KCNMA1: variants seen among roughly 807,000 people sequenced by gnomAD.
KCNMA1 encodes Calcium-activated potassium channel subunit alpha-1.
In KCNMA1, 29 loss-of-function variants were observed where a neutral mutation model predicts 140.0. That is an observed-to-expected ratio of 0.21 (90% CI 0.15 to 0.28). The LOEUF is 0.28. KCNMA1 is among the 10% of genes least tolerant of loss of function. KCNMA1 has a pLI of 1.00. For synonymous variants in KCNMA1, 612 were observed against 611.9 expected (o/e 1.00, Z 0.00); for missense variants, 880 against 1,602.2 (o/e 0.55, Z 7.70).
chr10:77,265,132 A>ATGAGGTATTTTTTTTTTTT (rs1555103410), intron 2 of KCNMA1, among the ~76,000 whole-genome samples: 4 of 152,062 alleles, frequency 2.6e-5, no homozygotes, highest in Non-Finnish European at 4.4e-5. Context: ...TCTCACTGCA[A>ATGAGGTATTTTTTTTTTTT]CTTCTGCCTC....
intron 15 of KCNMA1, among the ~76,000 whole-genome samples, chr10:77,031,744 G>C (rs2093953574): frequency 6.6e-6 from 1 of 152,232 alleles, no homozygotes; most frequent in African/African-American, 2.4e-5. Context: ...AGGGGAGCTG[G>C]TGTGGTAATC....
At position 77,421,165 on chromosome 10, in the gene KCNMA1, A is replaced by G. The variant is rs115504428; in HGVS notation, c.379-17142T>C. ...TGGACATTCTTGCATTCCTTCAATG[A>G]GCACTCCTCTTTTCTAATTCAGGGA... On this transcript the variant is annotated intron_variant, in intron 1 of 27. Coordinates refer to ENST00000286628, the MANE Select transcript of KCNMA1 (RefSeq NM_001161352.2). Among the ~76,000 whole-genome samples, 369 of 152,310 alleles carry G rather than the reference A, an allele frequency of 2.4e-3. 3 individuals are homozygous for G. Among genetic ancestry groups the G allele is most frequent in the African/African-American group, 8.7e-3 (361 of 41,562 alleles).
Position 77,358,796 on chromosome 10 carries a change from T to C in KCNMA1, c.540+45066A>G, listed in dbSNP as rs183824128. On this transcript the variant is annotated intron_variant, in intron 2 of 27. Coordinates refer to ENST00000286628, the MANE Select transcript of KCNMA1 (RefSeq NM_001161352.2). ...CAATCCTAAAAGAGGAAATGTTCTGTATTACATAAAACATGTCCAAGGTCC... is the reference window on the plus strand; with the variant it reads ...CAATCCTAAAAGAGGAAATGTTCTGCATTACATAAAACATGTCCAAGGTCC... Among the ~76,000 whole-genome samples, 9 of 152,370 alleles carry C rather than the reference T, an allele frequency of 5.9e-5. No individual in the cohort carries two copies. The East Asian group carries it at 1.5e-3, about 26-fold the overall frequency.
chr10:77,395,362 A>T (rs967299205), intron 2 of KCNMA1, among the ~76,000 whole-genome samples: 1 of 152,246 alleles, frequency 6.6e-6, no homozygotes, highest in East Asian at 1.9e-4. Flanking sequence ...AAAAAAAAAT[A>T]AAAAAATGTA....
chr10:77,261,182 G>A (rs1339609183), intron 2 of KCNMA1, among the ~76,000 whole-genome samples: 2 of 152,028 alleles, frequency 1.3e-5, no homozygotes, highest in Non-Finnish European at 2.9e-5. Flanking sequence ...ACGAAACCCT[G>A]GGAAACAACA....
At chr10:77,234,469 A>G (rs1355742614) in intron 3 of KCNMA1, among the ~76,000 whole-genome samples, 1 of 152,228 alleles carries the variant, frequency 6.6e-6, no homozygotes, top group Non-Finnish European at 1.5e-5. Context: ...CATAATAGCC[A>G]TTCAATAAAT....
intron 1 of KCNMA1, among the ~76,000 whole-genome samples, chr10:77,527,012 A>G (rs1347003409): frequency 1.3e-5 from 2 of 152,242 alleles, no homozygotes; most frequent in Admixed American, 1.3e-4. Flanking sequence ...ATTGTGTACA[A>G]ATATAGTAAA....
intron 18 of KCNMA1, among the ~76,000 whole-genome samples, chr10:77,001,858 G>T (rs1343740013): frequency 6.6e-6 from 1 of 152,184 alleles, no homozygotes; most frequent in Non-Finnish European, 1.5e-5. Flanking sequence ...AAAAGGGCAT[G>T]GCTGAATACA....
At chr10:76,994,109 G>A (rs2083532115) in intron 19 of KCNMA1, among the ~76,000 whole-genome samples, 1 of 152,150 alleles carries the variant, frequency 6.6e-6, no homozygotes, top group Non-Finnish European at 1.5e-5. Context: ...CACTGGCTAT[G>A]AGACCCTTGG....
chr10:77,079,435 C>T, intron 13 of KCNMA1, 46 bp downstream of exon 13: 1 of 1,064,932 alleles, frequency 9.4e-7, no homozygotes, highest in Non-Finnish European at 1.5e-6. Context: ...AGAGGCTGGA[C>T]CTGTGGATGG....
At position 76,944,762 on chromosome 10, in the gene KCNMA1, G is replaced by T. The variant is rs375408967; in HGVS notation, c.2902+11C>A. On this transcript the variant is annotated intron_variant, in intron 23 of 27. Transcript: ENST00000286628. The stretch of plus-strand genomic sequence containing the variant: ...CAGGCACAGCAAAGAAGTATTACAG[G>T]CTGTCCTTACCTTGGGAATTAGCCT... The T allele has an allele frequency of 1.2e-5, 20 of 1,612,538 alleles. No individual in the cohort carries two copies. Among genetic ancestry groups the T allele is most frequent in the Non-Finnish European group, 1.6e-5 (19 of 1,178,784 alleles).
chr10:77,298,443 T>A (rs1379752138), intron 2 of KCNMA1, among the ~76,000 whole-genome samples: 1 of 152,162 alleles, frequency 6.6e-6, no homozygotes, highest in Non-Finnish European at 1.5e-5. Context: ...GGTTTCGTCA[T>A]GTTGGCCAGG....
intron 21 of KCNMA1, among the ~76,000 whole-genome samples, chr10:76,950,940 G>A (rs183905087): frequency 7.2e-5 from 11 of 152,316 alleles, no homozygotes; most frequent in African/African-American, 2.6e-4. Flanking sequence ...CAGAAGACCT[G>A]GAGTTAGTTA....
At chr10:77,492,022 C>A (rs2040124406) in intron 1 of KCNMA1, among the ~76,000 whole-genome samples, 2 of 152,162 alleles carry the variant, frequency 1.3e-5, no homozygotes, top group African/African-American at 2.4e-5. Context: ...CCCTGCCGGT[C>A]CCGCCTCACT....
At chr10:77,095,861 G>C (rs2096919513) in intron 9 of KCNMA1, among the ~76,000 whole-genome samples, 1 of 152,132 alleles carries the variant, frequency 6.6e-6, no homozygotes, top group Non-Finnish European at 1.5e-5. Flanking sequence ...AAGGCAGAAG[G>C]CAGAAGAGGA....
At chr10:77,557,707 C>CAATG (rs1008490385) in intron 1 of KCNMA1, among the ~76,000 whole-genome samples, 2 of 145,088 alleles carry the variant, frequency 1.4e-5, no homozygotes, top group Non-Finnish European at 3.0e-5. Flanking sequence ...GAGTGGAATG[C>CAATG]AATGGCATGA....
chr10:77,198,099 A>G (rs1421890525), intron 3 of KCNMA1, among the ~76,000 whole-genome samples: 2 of 152,218 alleles, frequency 1.3e-5, no homozygotes, highest in African/African-American at 2.4e-5. Flanking sequence ...AGTTTTTAAC[A>G]TCAACCATAA....
At chr10:77,322,514 A>C (rs376628870) in intron 2 of KCNMA1, among the ~76,000 whole-genome samples, 1 of 152,224 alleles carries the variant, frequency 6.6e-6, no homozygotes, top group Non-Finnish European at 1.5e-5. Context: ...TCTCTGTCCT[A>C]TGACTATTCC....
chr10:77,263,292 C>T (rs59869224), intron 2 of KCNMA1, among the ~76,000 whole-genome samples: 2,674 of 152,296 alleles, frequency 0.018, 74 homozygotes, highest in African/African-American at 0.061. Flanking sequence ...TTGCACTGCA[C>T]TCTAGTCTAC....
Sources: allele counts gnomAD v4.1 joint callset (sites outside exome capture counted in the v4.1 genomes callset), GRCh38; gene constraint gnomAD v4.1.1; transcripts MANE v1.5; gene names NCBI Gene and HGNC (gene_info 2026-07-23, HGNC 2026-07-21).